Variants in USP32 observed in about 807,000 individuals in gnomAD.
The protein encoded by USP32 is ubiquitin specific peptidase 32.
A neutral mutation model predicts 204.8 loss-of-function variants in USP32; 59 were observed. That is an observed-to-expected ratio of 0.29 (90% CI 0.23 to 0.36). The LOEUF is 0.36. USP32 is among the 10% of genes least tolerant of loss of function. The probability of loss-of-function intolerance (pLI) is 1.00; values close to 1 mark genes in which losing one functional copy is unlikely to be tolerated. For missense variants in USP32, 1,160 were observed against 1,946.4 expected (o/e 0.60, Z 7.60); for synonymous variants, 517 against 678.4 (o/e 0.76, Z 3.70).
chr17:60,205,375 A>G, intron 26 of USP32, 72 bp downstream of exon 26: 1 of 1,565,828 alleles, frequency 6.4e-7, no homozygotes, highest in Non-Finnish European at 8.7e-7. Flanking sequence ...ATGATGTTGC[A>G]AAGACAGAAA....
intron 5 of USP32, among the ~76,000 whole-genome samples, chr17:60,285,757 G>A (rs1374645657): frequency 6.6e-6 from 1 of 152,116 alleles, no homozygotes; most frequent in Non-Finnish European, 1.5e-5. Context: ...GAAAAAGAGG[G>A]TATGTGATTT....
At chr17:60,410,287 C>G (rs2090007780) in intron 1 of USP32, among the ~76,000 whole-genome samples, 2 of 152,278 alleles carry the variant, frequency 1.3e-5, no homozygotes, top group East Asian at 1.9e-4. Context: ...TGCAGGAAGA[C>G]AGCTTTGACC....
At chr17:60,390,112 CAG>C (rs894459353) in intron 1 of USP32, among the ~76,000 whole-genome samples, 4 of 152,148 alleles carry the variant, frequency 2.6e-5, no homozygotes, top group Admixed American at 2.0e-4. Flanking sequence ...ATTCAACAGG[CAG>C]ACACTGTATA....
At chr17:60,305,094 A>G (rs567132669) in intron 2 of USP32, 1 of 152,330 alleles carries the variant, frequency 6.6e-6, no homozygotes, top group Non-Finnish European at 1.5e-5. Context: ...TTTTAGTTCT[A>G]TAGTACAATT....
chr17:60,348,054 G>A (rs929296768), intron 1 of USP32, among the ~76,000 whole-genome samples: 9 of 151,668 alleles, frequency 5.9e-5, no homozygotes, highest in Non-Finnish European at 8.8e-5. Context: ...CTCGGGAGGC[G>A]GAGCTCGCAG....
intron 11 of USP32, 94 bp from the exon 12 acceptor site, chr17:60,236,334 G>A (rs1476534979): frequency 6.1e-5 from 63 of 1,034,126 alleles, no homozygotes; most frequent in African/African-American, 1.1e-4. Flanking sequence ...AAGGAAAACC[G>A]CGAAACATTT....
chr17:60,377,801 G>A (rs1284799654), intron 1 of USP32, among the ~76,000 whole-genome samples: 1 of 152,144 alleles, frequency 6.6e-6, no homozygotes, highest in Non-Finnish European at 1.5e-5. Flanking sequence ...GGGTTTTAGA[G>A]TAGGGTTCTT....
chr17:60,311,836 A>C (rs2087862616), intron 2 of USP32, among the ~76,000 whole-genome samples: 1 of 152,010 alleles, frequency 6.6e-6, no homozygotes, highest in Non-Finnish European at 1.5e-5. Flanking sequence ...AAACAAAACA[A>C]AAAAAAACGG....
chr17:60,307,095 T>C (rs1173813309), intron 2 of USP32, among the ~76,000 whole-genome samples: 1 of 151,306 alleles, frequency 6.6e-6, no homozygotes, highest in Non-Finnish European at 1.5e-5. Flanking sequence ...TAATTTTTTT[T>C]CCTTTCTTTT....
intron 1 of USP32, among the ~76,000 whole-genome samples, chr17:60,382,128 C>T (rs2089656436): frequency 6.6e-6 from 1 of 152,236 alleles, no homozygotes; most frequent in African/African-American, 2.4e-5. Flanking sequence ...GAGATAAGCT[C>T]ACCGGCAAAC....
At chr17:60,361,900 T>C (rs984359967) in intron 1 of USP32, among the ~76,000 whole-genome samples, 6 of 152,186 alleles carry the variant, frequency 3.9e-5, no homozygotes, top group Non-Finnish European at 8.8e-5. Flanking sequence ...CAATGCTCAA[T>C]GTTAACACAA....
chr17:60,252,669 T>A (rs902170174), intron 10 of USP32, among the ~76,000 whole-genome samples: 1 of 151,930 alleles, frequency 6.6e-6, no homozygotes, highest in South Asian at 2.1e-4. Context: ...AATCTCTAGG[T>A]AAGAAGGGAA....
chr17:60,183,417 G>T lies in USP32; in HGVS notation c.3871C>A (p.Arg1291=). The stretch of plus-strand genomic sequence containing the variant: ...ACAATTTTCTGTGATTTTATCCACC[G>T]ACCATTTACAAATTGAAATCGCTTA... ...HLKRFQFVNG[R]WIKSQKIVKF... is the part of the protein sequence containing the mutation. Residue 1291 remains arginine (R), a synonymous_variant, in exon 31 of 34, where the codon CGG becomes AGG. Transcript: ENST00000300896. 1.2e-6 allele frequency: 2 copies of T among 1,612,114 alleles called. No homozygotes were observed. The highest frequency in any genetic ancestry group is 1.7e-4 in the Middle Eastern group (1 of 6,038).
rs185645675 is a variant in USP32 at position 60,408,117 on chromosome 17, A to C, written c.106+14129T>G. 1.3e-3 allele frequency among the ~76,000 whole-genome samples: 194 copies of C among 152,078 alleles called. 1 individual carries two copies. Among genetic ancestry groups the C allele is most frequent in the African/African-American group, 4.4e-3 (181 of 41,514 alleles). ...CATCTCAAAAAGAAAAAGAAAGAAA[A>C]AGAAAAACAATGTGACATCCTGAGA... On this transcript the variant is annotated intron_variant, in intron 1 of 3. Coordinates refer to the USP32 transcript ENST00000588898.
At chr17:60,225,901 C>A (rs867342349) in intron 13 of USP32, 138 bp downstream of exon 13, 1 of 869,156 alleles carries the variant, frequency 1.2e-6, no homozygotes, top group African/African-American at 1.8e-5. Flanking sequence ...TTGCAGTGAG[C>A]AGAGATCGCG....
intron 1 of USP32, among the ~76,000 whole-genome samples, chr17:60,371,220 T>C (rs1005957449): frequency 4.4e-5 from 6 of 137,364 alleles, no homozygotes; most frequent in African/African-American, 1.4e-4. Flanking sequence ...CACTTCAGCC[T>C]GAGCAACAGG....
At chr17:60,392,254 G>A (rs1355197080), upstream of USP32, 5 of 403,224 alleles carry the variant, frequency 1.2e-5, no homozygotes, top group African/African-American at 6.5e-5. Context: ...CGCCAGCTCC[G>A]CCGAGGGTCA....
At chr17:60,309,383 T>C (rs1209465145) in intron 2 of USP32, among the ~76,000 whole-genome samples, 1 of 152,130 alleles carries the variant, frequency 6.6e-6, no homozygotes, top group East Asian at 1.9e-4. Flanking sequence ...GCGGATAACT[T>C]GAGCTCAGGA....
Position 60,255,302 on chromosome 17 carries a change from T to C in USP32, c.991-44A>G, listed in dbSNP as rs377251395. 378 of 1,351,886 alleles carry C rather than the reference T, an allele frequency of 2.8e-4. 1 individual carries two copies. In the East Asian group the frequency reaches 3.0e-3, roughly 11 times the overall value. 83.7% of individuals were successfully genotyped at this position (1,351,886 alleles called of 1,614,324 possible). ...TGTTAGGAACATCTTTTTTTTCTTTTTTTTTTTTTTTTTGAGACGGAGTCT... is the reference window on the plus strand; with the variant it reads ...TGTTAGGAACATCTTTTTTTTCTTTCTTTTTTTTTTTTTGAGACGGAGTCT... On this transcript the variant is annotated intron_variant, in intron 9 of 33. Coordinates refer to ENST00000300896, the MANE Select transcript of USP32 (RefSeq NM_032582.4).
Sources: allele counts gnomAD v4.1 joint callset (sites outside exome capture counted in the v4.1 genomes callset), GRCh38; gene constraint gnomAD v4.1.1; transcripts MANE v1.5; gene names NCBI Gene and HGNC (gene_info 2026-07-23, HGNC 2026-07-21).